NEDD1: variants seen among roughly 807,000 people sequenced by gnomAD.
The protein encoded by NEDD1 is NEDD1 gamma-tubulin ring complex targeting factor.
A neutral mutation model predicts 74.0 loss-of-function variants in NEDD1; 33 were observed. The ratio of observed to expected loss-of-function variants is 0.45; its 90% CI spans 0.34 to 0.60. The LOEUF (loss-of-function observed/expected upper bound fraction) is 0.60. Ranked by LOEUF, NEDD1 falls within the 20% of genes least tolerant of loss-of-function variation. NEDD1 has a pLI of 0.01. For synonymous variants in NEDD1, 250 were observed against 264.4 expected (o/e 0.95, Z 0.53); for missense variants, 746 against 776.5 (o/e 0.96, Z 0.47).
At chr12:96,947,118 G>A (rs1298224864) in intron 14 of NEDD1, among the ~76,000 whole-genome samples, 4 of 152,036 alleles carry the variant, frequency 2.6e-5, no homozygotes, top group East Asian at 3.8e-4. Flanking sequence ...TTTTTGTTGT[G>A]CTCTGGTTAC....
intron 14 of NEDD1, among the ~76,000 whole-genome samples, chr12:96,951,059 C>T (rs1235495871): frequency 6.6e-6 from 1 of 151,752 alleles, no homozygotes. Flanking sequence ...ATGACAATTT[C>T]TATATAAAGG....
At chr12:96,942,727 C>A in intron 11 of NEDD1, 103 bp downstream of exon 11, 1 of 674,694 alleles carries the variant, frequency 1.5e-6, no homozygotes, top group East Asian at 2.6e-5. Flanking sequence ...AAAAAATAAA[C>A]ATTTATCGTC....
At chr12:96,930,960 A>G (rs249567) in intron 6 of NEDD1, among the ~76,000 whole-genome samples, 22,560 of 152,112 alleles carry the variant, frequency 0.15, 1,966 homozygotes, top group Middle Eastern at 0.26. Context: ...ATATGTTGAG[A>G]TTTTTCAGGT....
In NEDD1 at chr12:96,927,906, GAGCATTGGTATAAAATGTTTATATGAT is replaced by G. The variant is rs1054386969; in HGVS notation, c.490-7068_490-7042del. 5.9e-5 allele frequency among the ~76,000 whole-genome samples: 9 copies of G among 152,008 alleles called. No individual in the cohort carries two copies. In the South Asian group the frequency reaches 1.7e-3, roughly 28 times the overall value. On this transcript the variant is annotated intron_variant, in intron 6 of 15. Coordinates refer to ENST00000266742, the MANE Select transcript of NEDD1 (RefSeq NM_152905.4). ...AAGTGGTCTTTTTTATGTTATATAG[GAGCATTGGTATAAAATGTTTATATGAT>G]AACATTTCTTTGATTCTCTATATAT...
intron 6 of NEDD1, among the ~76,000 whole-genome samples, chr12:96,930,156 AACACACACACACACACACACACAC>A (rs61405089): frequency 0.17 from 16,055 of 93,698 alleles, 1,501 homozygotes; most frequent in Middle Eastern, 0.27. Flanking sequence ...TCTGTTGTAA[AACACACACACACACACACACACAC>A]ACACACACAC....
chr12:96,951,948 G>T lies in NEDD1; in HGVS notation c.1879-1G>T. 1.3e-6 allele frequency: 2 copies of T among 1,500,884 alleles called. No individual in the cohort carries two copies. Among genetic ancestry groups the T allele is most frequent in the Non-Finnish European group, 9.3e-7 (1 of 1,080,736 alleles). 93.0% of individuals were successfully genotyped at this position (1,500,884 alleles called of 1,614,324 possible). ...TAAAAAGCATTTTCCTGTTTTTCTA[G>T]AATGAAATGCATTCTTTGCTGGAAA... is the stretch of plus-strand genomic sequence containing the variant. On this transcript the variant is annotated splice_acceptor_variant, in intron 15 of 15. Coordinates refer to ENST00000266742, the MANE Select transcript of NEDD1 (RefSeq NM_152905.4). LOFTEE classifies it high-confidence loss of function.
chr12:96,913,845 T>TA (rs1874174936), intron 4 of NEDD1, among the ~76,000 whole-genome samples: 1 of 152,196 alleles, frequency 6.6e-6, no homozygotes, highest in Non-Finnish European at 1.5e-5. Context: ...TAGCAGATCT[T>TA]AAATTATTAT....
intron 6 of NEDD1, among the ~76,000 whole-genome samples, chr12:96,932,141 C>T (rs1382510265): frequency 4.6e-5 from 7 of 151,560 alleles, no homozygotes. Flanking sequence ...CATTCTTACA[C>T]AATAATGTGG....
At position 96,920,009 on chromosome 12, in the gene NEDD1, G is replaced by A. The variant is rs1312459057; in HGVS notation, c.373G>A (p.Val125Ile). Residue 125 changes from valine (V) to isoleucine (I), a missense_variant, in exon 6 of 16, where the codon GTA (valine) becomes ATA (isoleucine). This residue lies in a region of NEDD1 where 706 missense variants were observed against 706.7 expected (regional missense o/e 1.00). Transcript: ENST00000266742. ...GGATCATAAAGATCAAGTAACTTGT[G>A]TAACATACAATTGGAATGATTGCTA... Reference protein sequence around the residue: ...LKDHKDQVTCVTYNWNDCYIA... With the variant: ...LKDHKDQVTCITYNWNDCYIA... 9 of 1,606,700 alleles carry A rather than the reference G, an allele frequency of 5.6e-6. No individual in the cohort carries two copies. Among genetic ancestry groups the A allele is most frequent in the Non-Finnish European group, 7.7e-6 (9 of 1,174,372 alleles).
intron 6 of NEDD1, among the ~76,000 whole-genome samples, chr12:96,931,805 A>T (rs777473265): frequency 3.9e-5 from 6 of 152,202 alleles, no homozygotes; most frequent in Non-Finnish European, 7.4e-5. Flanking sequence ...ACAGAAGCAT[A>T]CATACACACA....
At chr12:96,926,308 A>G (rs1245851939) in intron 6 of NEDD1, among the ~76,000 whole-genome samples, 1 of 152,152 alleles carries the variant, frequency 6.6e-6, no homozygotes, top group Non-Finnish European at 1.5e-5. Context: ...AAATTTGACT[A>G]GAGTCTGTTG....
At chr12:96,909,708 A>G (rs748009581) in intron 2 of NEDD1, 44 bp from the exon 3 acceptor site, 25 of 1,523,552 alleles carry the variant, frequency 1.6e-5, no homozygotes, top group African/African-American at 2.8e-5. Context: ...GAGTATGTCT[A>G]TTCTTAAATG....
In NEDD1 at chr12:96,912,791, G is replaced by C. The variant is rs749574143; in HGVS notation, c.205G>C (p.Val69Leu). ...TGTCTCAAGTTGCAAATGTAAACCT[G>C]TTCCACTTTTAGAGCTTGCTGAAGG... ...IVVSSCKCKP[V>L]PLLELAEGQK... Residue 69 changes from valine to leucine, a missense_variant, in exon 4 of 16, where the codon GTT (valine) becomes CTT (leucine). This residue lies in a region of NEDD1 where 706 missense variants were observed against 706.7 expected (regional missense o/e 1.00). Transcript: ENST00000266742. The C allele has an allele frequency of 3.0e-5, 48 of 1,601,572 alleles. No homozygotes were observed. The highest frequency in any genetic ancestry group is 3.8e-5 in the Non-Finnish European group (45 of 1,171,864).
chr12:96,912,800 T>C lies in NEDD1; in HGVS notation c.214T>C (p.Leu72=). 1.3e-6 allele frequency: 2 copies of C among 1,599,652 alleles called. No individual in the cohort carries two copies. Among genetic ancestry groups the C allele is most frequent in the African/African-American group, 1.3e-5 (1 of 74,736 alleles). The change falls in exon 4 of 16, where the codon TTA becomes CTA. Residue 72 remains leucine, a synonymous_variant. Transcript: ENST00000266742. The part of the protein sequence containing the change: ...SSCKCKPVPL[L]ELAEGQKQTC... ...TTGCAAATGTAAACCTGTTCCACTT[T>C]TAGAGCTTGCTGAAGGGGTAAGTGA...
At chr12:96,913,742 C>T (rs896649142) in intron 4 of NEDD1, among the ~76,000 whole-genome samples, 1 of 149,576 alleles carries the variant, frequency 6.7e-6, no homozygotes, top group Non-Finnish European at 1.5e-5. Flanking sequence ...TAGTCACACA[C>T]TCTTTGAAAG....
chr12:96,923,829 T>TGTGTGA (rs1186193892), intron 6 of NEDD1, among the ~76,000 whole-genome samples: 9 of 147,512 alleles, frequency 6.1e-5, no homozygotes, highest in East Asian at 5.9e-4. Context: ...TGTGTGTGTG[T>TGTGTGA]GAAACTGTAT....
chr12:96,915,038 T>G (rs983922699), intron 4 of NEDD1, among the ~76,000 whole-genome samples: 1 of 152,218 alleles, frequency 6.6e-6, no homozygotes, highest in African/African-American at 2.4e-5. Flanking sequence ...CTGTCCTGAT[T>G]TGCAGTGACA....
At position 96,919,969 on chromosome 12, in the gene NEDD1, C is replaced by G; in HGVS notation, c.349-16C>G. ...GATTATGGGGCAGTGTACTTACTTT[C>G]ATTTCTCTCTTTCAGGATCATAAAG... is the stretch of plus-strand genomic sequence containing the variant. On this transcript the variant is annotated splice_polypyrimidine_tract_variant and intron_variant, in intron 5 of 15. Coordinates refer to ENST00000266742, the MANE Select transcript of NEDD1 (RefSeq NM_152905.4). 6.3e-7 allele frequency: 1 copy of G among 1,584,390 alleles called. No homozygotes were observed. The highest frequency in any genetic ancestry group is 1.3e-5 in the African/African-American group (1 of 74,238).
chr12:96,932,442 T>TAAAA lies in NEDD1; in HGVS notation c.490-2515_490-2512dup, dbSNP rs747225218. ...GGCAAAATGGCAAAATCCTGTCTCT[T>TAAAA]AAAAAAAAAAAAAAAAAAAAAATAT... On this transcript the variant is annotated intron_variant, in intron 6 of 15. Transcript: ENST00000266742. Among the ~76,000 whole-genome samples the TAAAA allele has an allele frequency of 8.4e-4, 9 of 10,656 alleles. 1 individual carries two copies. The highest frequency in any genetic ancestry group is 6.9e-3 in the East Asian group (1 of 144). 7.0% of individuals were successfully genotyped at this position (10,656 alleles called of 152,430 possible).
Sources: allele counts gnomAD v4.1 joint callset (sites outside exome capture counted in the v4.1 genomes callset), GRCh38; gene constraint gnomAD v4.1.1; regional missense constraint gnomAD v4.1.1; transcripts MANE v1.5; gene names NCBI Gene and HGNC (gene_info 2026-07-23, HGNC 2026-07-21).